Variants in ASTN2 observed in about 807,000 individuals in gnomAD.
ASTN2 encodes astrotactin 2, also known as astrotactin-2.
Under a neutral mutation model 139.8 loss-of-function variants are expected in ASTN2, and 54 were observed. The observed-to-expected ratio is 0.39, with a 90% CI of 0.31 to 0.48. The LOEUF (loss-of-function observed/expected upper bound fraction) is 0.48. ASTN2 is among the 20% of genes least tolerant of loss of function. The pLI, the probability that ASTN2 is intolerant of heterozygous loss-of-function variation, is 0.95. For synonymous variants in ASTN2, 756 were observed against 719.5 expected, an observed-to-expected ratio of 1.05 and a Z score of -0.81; for missense variants, 1,565 against 1,725.1, an observed-to-expected ratio of 0.91 and a Z score of 1.64.
intron 2 of ASTN2, among the ~76,000 whole-genome samples, chr9:117,245,591 G>T (rs1187701562): frequency 1.3e-5 from 2 of 152,154 alleles, no homozygotes; most frequent in Non-Finnish European, 2.9e-5. Context: ...CTGGGTGCAG[G>T]GCCAGGAGGC....
At chr9:117,298,219 C>T (rs991535229) in intron 1 of ASTN2, among the ~76,000 whole-genome samples, 2 of 152,244 alleles carry the variant, frequency 1.3e-5, no homozygotes, top group Admixed American at 6.5e-5. Context: ...AGTCTGATCT[C>T]TTCCTATGCC....
At chr9:117,345,106 C>A (rs1446809196) in intron 1 of ASTN2, among the ~76,000 whole-genome samples, 4 of 152,084 alleles carry the variant, frequency 2.6e-5, no homozygotes. Flanking sequence ...GTGTTTTCTG[C>A]AGCACAAAGG....
intron 2 of ASTN2, among the ~76,000 whole-genome samples, chr9:117,239,273 G>A (rs1296674523): frequency 6.6e-6 from 1 of 152,118 alleles, no homozygotes; most frequent in Non-Finnish European, 1.5e-5. Flanking sequence ...ATTGGGCTAG[G>A]CACCTGAAGC....
At chr9:116,879,150 G>A (rs1833383357) in intron 10 of ASTN2, among the ~76,000 whole-genome samples, 1 of 152,118 alleles carries the variant, frequency 6.6e-6, no homozygotes, top group Non-Finnish European at 1.5e-5. Context: ...CCTCTGCTGT[G>A]TGTACCTGGG....
At position 116,596,150 on chromosome 9, in the gene ASTN2, C is replaced by T. The variant is rs1290720902; in HGVS notation, c.3355+22174G>A. Among the ~76,000 whole-genome samples, 6 of 152,092 alleles carry T rather than the reference C, an allele frequency of 3.9e-5. No homozygotes were observed. The East Asian group carries it at 5.8e-4, about 15-fold the overall frequency. ...AAATGACATGAATGAACCTAAAGGA[C>T]GTTATGCTGAGTATAATAAGCCAGT... is the stretch of plus-strand genomic sequence containing the variant. On this transcript the variant is annotated intron_variant, in intron 19 of 22. Transcript: ENST00000313400.
chr9:116,695,495 A>G (rs187391824), intron 16 of ASTN2, among the ~76,000 whole-genome samples: 13 of 152,344 alleles, frequency 8.5e-5, no homozygotes, highest in Admixed American at 8.5e-4. Flanking sequence ...GTATATCTCT[A>G]CATTAACTCC....
At chr9:116,727,685 T>A (rs1828668116) in intron 15 of ASTN2, among the ~76,000 whole-genome samples, 2 of 152,116 alleles carry the variant, frequency 1.3e-5, no homozygotes, top group South Asian at 4.2e-4. Flanking sequence ...AGAGATGCCC[T>A]GAGGGTCTTA....
intron 1 of ASTN2, among the ~76,000 whole-genome samples, chr9:117,383,923 TTTTA>T (rs1274856676): frequency 1.3e-5 from 2 of 152,196 alleles, no homozygotes; most frequent in Non-Finnish European, 2.9e-5. Flanking sequence ...TAACAATGGC[TTTTA>T]TTTACTGCAC....
intron 17 of ASTN2, among the ~76,000 whole-genome samples, chr9:116,632,185 G>GAGAGAGA (rs1564168833): frequency 2.3e-4 from 11 of 48,676 alleles, no homozygotes; most frequent in Non-Finnish European, 2.9e-4. Flanking sequence ...AGAGAGAGAG[G>GAGAGAGA]GAGAGAGAGA....
intron 16 of ASTN2, among the ~76,000 whole-genome samples, chr9:116,692,956 C>T (rs1860647062): frequency 6.6e-6 from 1 of 152,098 alleles, no homozygotes; most frequent in Non-Finnish European, 1.5e-5. Context: ...TTCATTTACC[C>T]ATCAGTTTTT....
In ASTN2 at chr9:116,425,571, G is replaced by C; in HGVS notation, c.*280C>G. ...GAAAACTTCTGCCTCGGGATTGACA[G>C]CCATCCATAAGAAAAGGTTTAAAAA... On this transcript the variant is annotated 3_prime_UTR_variant, in exon 23 of 23. Transcript: ENST00000313400. The C allele has an allele frequency of 5.0e-6, 8 of 1,613,228 alleles. No homozygotes were observed. The highest frequency in any genetic ancestry group is 5.9e-6 in the Non-Finnish European group (7 of 1,179,742).
rs558172319 is a variant in ASTN2 at position 117,052,794 on chromosome 9, G to A, written c.1277-12829C>T. ...TTTATAAATCAGAAAACCAGCTCAG[G>A]GAAGAGAAGTGCTTTGCTCAAGGTC... On this transcript the variant is annotated intron_variant, in intron 5 of 22. Coordinates refer to ENST00000313400, the MANE Select transcript of ASTN2 (RefSeq NM_001365068.1). Among the ~76,000 whole-genome samples, 88 of 152,328 alleles carry A rather than the reference G, an allele frequency of 5.8e-4. No homozygotes were observed. In the South Asian group the frequency reaches 0.017, roughly 30 times the overall value.
chr9:116,790,666 T>G (rs1588295304), intron 13 of ASTN2, among the ~76,000 whole-genome samples: 1 of 150,030 alleles, frequency 6.7e-6, no homozygotes, highest in Non-Finnish European at 1.5e-5. Flanking sequence ...TTCTTCTCTT[T>G]ATCTCCAGAG....
chr9:117,062,426 G>A (rs1310471321), intron 5 of ASTN2, among the ~76,000 whole-genome samples: 1 of 152,196 alleles, frequency 6.6e-6, no homozygotes, highest in African/African-American at 2.4e-5. Context: ...AATTCCCTAT[G>A]AGACATGTTA....
At chr9:117,098,891 T>G (rs1373352192) in intron 4 of ASTN2, among the ~76,000 whole-genome samples, 1 of 151,960 alleles carries the variant, frequency 6.6e-6, no homozygotes, top group Admixed American at 6.6e-5. Context: ...GCAGATTGCC[T>G]GAGTTCAGGA....
intron 3 of ASTN2, among the ~76,000 whole-genome samples, chr9:117,198,124 A>G (rs1343509000): frequency 6.6e-6 from 1 of 152,034 alleles, no homozygotes; most frequent in African/African-American, 2.4e-5. Flanking sequence ...ATAGGTATAC[A>G]TGTGCCTTGG....
At chr9:117,042,823 A>T (rs1473034019) in intron 5 of ASTN2, among the ~76,000 whole-genome samples, 1 of 152,084 alleles carries the variant, frequency 6.6e-6, no homozygotes, top group African/African-American at 2.4e-5. Context: ...CCCTACAATA[A>T]CACTTAACAG....
intron 3 of ASTN2, among the ~76,000 whole-genome samples, chr9:117,178,759 G>A (rs182698847): frequency 6.6e-6 from 1 of 152,298 alleles, no homozygotes; most frequent in African/African-American, 2.4e-5. Flanking sequence ...CCAAGGGCTG[G>A]CAAAACATCA....
chr9:117,348,727 A>C (rs1829300122), intron 1 of ASTN2, among the ~76,000 whole-genome samples: 1 of 152,186 alleles, frequency 6.6e-6, no homozygotes, highest in Non-Finnish European at 1.5e-5. Context: ...GAGGCAAAGA[A>C]AGACATCTCA....
Sources: allele counts gnomAD v4.1 joint callset (sites outside exome capture counted in the v4.1 genomes callset), GRCh38; gene constraint gnomAD v4.1.1; transcripts MANE v1.5; gene names NCBI Gene and HGNC (gene_info 2026-07-23, HGNC 2026-07-21).